The following ATG14 variants were observed in gnomAD, a reference collection of about 807,000 sequenced individuals.
The protein encoded by ATG14 is beclin 1-associated autophagy-related key regulator.
Under a neutral mutation model 60.4 loss-of-function variants are expected in ATG14, and 35 were observed. The observed-to-expected ratio is 0.58, with a 90% CI of 0.44 to 0.77. The LOEUF (loss-of-function observed/expected upper bound fraction) is 0.77, where lower values mean the gene tolerates loss of function less well. Among genes scored for constraint, ATG14 ranks in the 30% least tolerant of loss-of-function variants. The pLI, the probability that ATG14 is intolerant of heterozygous loss-of-function variation, is 0.00. For missense variants in ATG14, 647 were observed against 626.3 expected (o/e 1.03, Z -0.35); for synonymous variants, 234 against 228.8 (o/e 1.02, Z -0.21).
At chr14:55,372,135 T>A (rs1429717739) in intron 9 of ATG14, among the ~76,000 whole-genome samples, 1 of 152,156 alleles carries the variant, frequency 6.6e-6, no homozygotes, top group African/African-American at 2.4e-5. Flanking sequence ...TCATCTCACA[T>A]ATCTGAACCA....
intron 9 of ATG14, among the ~76,000 whole-genome samples, chr14:55,374,101 T>G (rs1884874373): frequency 6.6e-6 from 1 of 152,284 alleles, no homozygotes; most frequent in African/African-American, 2.4e-5. Flanking sequence ...TGAGTGCTTT[T>G]TTCCCTCAAC....
At chr14:55,393,067 T>A (rs1001032509) in intron 3 of ATG14, among the ~76,000 whole-genome samples, 9 of 152,196 alleles carry the variant, frequency 5.9e-5, no homozygotes, top group African/African-American at 1.9e-4. Flanking sequence ...AAAATTCACT[T>A]CTATCACAAA....
intron 9 of ATG14, among the ~76,000 whole-genome samples, chr14:55,377,561 C>T (rs761003076): frequency 6.6e-6 from 1 of 151,998 alleles, no homozygotes; most frequent in Non-Finnish European, 1.5e-5. Context: ...AGGCACTACT[C>T]CAGGAACATG....
chr14:55,393,685 CAGGT>C (rs1301174112), intron 3 of ATG14, among the ~76,000 whole-genome samples: 2 of 151,862 alleles, frequency 1.3e-5, no homozygotes, highest in Non-Finnish European at 2.9e-5. Flanking sequence ...GCTGGGACTA[CAGGT>C]ATATACTACC....
At chr14:55,399,580 T>C (rs1415497877) in intron 1 of ATG14, among the ~76,000 whole-genome samples, 5 of 152,374 alleles carry the variant, frequency 3.3e-5, no homozygotes, top group African/African-American at 1.2e-4. Flanking sequence ...TAAATTCTCC[T>C]GCAGTTGACT....
intron 1 of ATG14, among the ~76,000 whole-genome samples, chr14:55,402,345 AAAATAGATTTC>A (rs992114771): frequency 1.3e-5 from 2 of 152,178 alleles, no homozygotes; most frequent in African/African-American, 4.8e-5. Context: ...AGAAAGGCAA[AAAATAGATTTC>A]AAATAAGCAA....
intron 1 of ATG14, among the ~76,000 whole-genome samples, chr14:55,410,300 A>G (rs1252765846): frequency 6.6e-6 from 1 of 152,252 alleles, no homozygotes; most frequent in East Asian, 1.9e-4. Flanking sequence ...TCTTAAGCAT[A>G]TAGATGGTAT....
Position 55,382,205 on chromosome 14 carries a change from G to T in ATG14, c.648-14C>A. 6.2e-7 allele frequency: 1 copy of T among 1,611,918 alleles called. No homozygotes were observed. Among genetic ancestry groups the T allele is most frequent in the South Asian group, 1.1e-5 (1 of 91,006 alleles). ...TCTGCGGGGTCTCTACAAGTAGGAA[G>T]ACACACACGGATTTTCAAGAGAGAG... On this transcript the variant is annotated splice_polypyrimidine_tract_variant and intron_variant, in intron 5 of 9. Transcript: ENST00000247178.
At chr14:55,380,550 C>G in intron 7 of ATG14, 23 bp downstream of exon 7, 1 of 1,442,370 alleles carries the variant, frequency 6.9e-7, no homozygotes, top group South Asian at 1.2e-5. Flanking sequence ...ATAAAGATGA[C>G]ATTACCACCT....
In ATG14 at chr14:55,369,835, A is replaced by G. The variant is rs2140115025; in HGVS notation, c.1263T>C (p.Asp421=). 6.2e-7 allele frequency: 1 copy of G among 1,614,146 alleles called. No homozygotes were observed. The part of the protein sequence containing the change: ...GVAGESDESG[D]ERVSDEETDL... Reference sequence around the variant, plus strand: ...CGGTTTCTTCATCGCTGACGCGCTCATCTCCGCTCTCATCTGATTCTCCAG... The same window carrying G: ...CGGTTTCTTCATCGCTGACGCGCTCGTCTCCGCTCTCATCTGATTCTCCAG... Residue 421 remains aspartate, a synonymous_variant, in exon 10 of 10, where the codon GAT becomes GAC. Transcript: ENST00000247178.
At chr14:55,393,811 A>G (rs1166929124) in intron 3 of ATG14, among the ~76,000 whole-genome samples, 3 of 152,078 alleles carry the variant, frequency 2.0e-5, no homozygotes, top group Non-Finnish European at 2.9e-5. Flanking sequence ...GGACTCCCAA[A>G]GTGCTGGGAT....
intron 2 of ATG14, among the ~76,000 whole-genome samples, chr14:55,396,917 G>T (rs549482735): frequency 6.6e-6 from 1 of 152,276 alleles, no homozygotes; most frequent in South Asian, 2.1e-4. Flanking sequence ...AATCTCTGAG[G>T]ATAGGATTCC....
intron 6 of ATG14, among the ~76,000 whole-genome samples, 194 bp downstream of exon 6, chr14:55,381,768 A>G (rs1885037730): frequency 6.6e-6 from 1 of 152,162 alleles, no homozygotes; most frequent in Non-Finnish European, 1.5e-5. Context: ...GGGAAATGTG[A>G]CACTTTCATG....
At chr14:55,404,017 T>C (rs891782214) in intron 1 of ATG14, among the ~76,000 whole-genome samples, 2 of 152,176 alleles carry the variant, frequency 1.3e-5, no homozygotes, top group African/African-American at 4.8e-5. Context: ...ATGGAAATGG[T>C]CACTGAGAGT....
chr14:55,379,039 A>G (rs550105334), intron 7 of ATG14, among the ~76,000 whole-genome samples: 1 of 152,132 alleles, frequency 6.6e-6, no homozygotes, highest in East Asian at 1.9e-4. Context: ...CGTTCTCCAC[A>G]GCACTTACTG....
At chr14:55,403,342 G>A (rs1410433114) in intron 1 of ATG14, among the ~76,000 whole-genome samples, 3 of 152,016 alleles carry the variant, frequency 2.0e-5, no homozygotes, top group Non-Finnish European at 4.4e-5. Context: ...ACCACAAAAA[G>A]AGACTGAGGG....
intron 1 of ATG14, among the ~76,000 whole-genome samples, chr14:55,406,744 G>T (rs1885497843): frequency 6.6e-6 from 1 of 152,188 alleles, no homozygotes; most frequent in South Asian, 2.1e-4. Flanking sequence ...AAAGCACATA[G>T]TCTGGAAAAG....
chr14:55,385,613 G>A (rs998128635), intron 5 of ATG14, among the ~76,000 whole-genome samples: 2 of 152,144 alleles, frequency 1.3e-5, no homozygotes, highest in African/African-American at 2.4e-5. Context: ...TCTTAATCAG[G>A]AGTGTGAGTC....
In ATG14 at chr14:55,369,024, TCTGACAAACTA is replaced by T. The variant is rs1884749197; in HGVS notation, c.*584_*594del. On this transcript the variant is annotated 3_prime_UTR_variant, in exon 10 of 10. Transcript: ENST00000247178. ...TGTGGGGGAAAGAAAAACAGGAATG[TCTGACAAACTA>T]CGACAGAGCAGCATGAATAAAATAC... 1 of 150,896 alleles carries T rather than the reference TCTGACAAACTA, an allele frequency of 6.6e-6. No individual in the cohort carries two copies. Among genetic ancestry groups the T allele is most frequent in the Non-Finnish European group, 1.5e-5 (1 of 67,548 alleles). 9.3% of individuals were successfully genotyped at this position (150,896 alleles called of 1,614,324 possible).
Sources: gnomAD v4.1 joint callset for allele counts (sites outside exome capture counted in the v4.1 genomes callset) on GRCh38, gnomAD v4.1.1 for gene constraint, MANE v1.5 for transcripts, NCBI Gene and HGNC (gene_info 2026-07-23, HGNC 2026-07-21) for gene names.